The following RASEF variants were observed in gnomAD, a reference collection of about 807,000 sequenced individuals.
RASEF encodes RAS and EF-hand domain containing, also known as ras and EF-hand domain-containing protein.
In RASEF, 68 loss-of-function variants were observed where a neutral mutation model predicts 90.1. The observed-to-expected ratio is 0.75, with a 90% CI of 0.62 to 0.92. The LOEUF is 0.92. RASEF is among the 40% of genes least tolerant of loss of function. The pLI, the probability that RASEF is intolerant of heterozygous loss-of-function variation, is 0.00. For missense variants in RASEF, 949 were observed against 937.2 expected (o/e 1.01, Z -0.16); for synonymous variants, 331 against 345.2 (o/e 0.96, Z 0.46).
the RASEF span, among the ~76,000 whole-genome samples, chr9:83,076,390 A>T: frequency 6.6e-6 from 1 of 151,320 alleles, no homozygotes; most frequent in Non-Finnish European, 1.5e-5. Flanking sequence ...CAAGTCTTTA[A>T]TATCATAGAA....
the RASEF span, among the ~76,000 whole-genome samples, chr9:83,178,263 C>A: frequency 6.6e-6 from 1 of 152,092 alleles, no homozygotes; most frequent in Non-Finnish European, 1.5e-5. Context: ...CATATCTTAC[C>A]CCAAGGTACT....
intron 1 of RASEF, 32 bp from the exon 2 acceptor site, chr9:83,025,953 T>G (rs769634196): frequency 6.6e-7 from 1 of 1,510,982 alleles, no homozygotes; most frequent in Non-Finnish European, 8.9e-7. Flanking sequence ...ATTAAACCAA[T>G]TATAAAATTT....
At chr9:83,035,242 C>T (rs1263864693) in intron 1 of RASEF, among the ~76,000 whole-genome samples, 1 of 152,184 alleles carries the variant, frequency 6.6e-6, no homozygotes, top group Non-Finnish European at 1.5e-5. Context: ...TCTGCTGCAA[C>T]TATTTAGCCC....
At chr9:83,095,769 C>G in the RASEF span, among the ~76,000 whole-genome samples, 2 of 151,988 alleles carry the variant, frequency 1.3e-5, no homozygotes, top group African/African-American at 4.8e-5. Flanking sequence ...TTTGGCCTAT[C>G]TTATCATAGT....
the RASEF span, among the ~76,000 whole-genome samples, chr9:83,073,690 A>C: frequency 6.6e-6 from 1 of 152,236 alleles, no homozygotes; most frequent in Non-Finnish European, 1.5e-5. Flanking sequence ...ATACAATTAA[A>C]TACTAAAGAG....
chr9:83,124,262 G>A, the RASEF span, among the ~76,000 whole-genome samples: 8 of 152,186 alleles, frequency 5.3e-5, no homozygotes, highest in African/African-American at 1.9e-4. Context: ...GAACATGGGT[G>A]TATGAATATC....
At position 83,001,042 on chromosome 9, in the gene RASEF, G is replaced by A; in HGVS notation, c.1291C>T (p.Leu431=). The A allele has an allele frequency of 6.2e-6, 10 of 1,614,164 alleles. No homozygotes were observed. Among genetic ancestry groups the A allele is most frequent in the Non-Finnish European group, 8.5e-6 (10 of 1,180,030 alleles). The change falls in exon 10 of 17, where the codon CTG becomes TTG. Residue 431 remains leucine, a synonymous_variant. Transcript: ENST00000376447. ...CCGCTGTCGAAGCAGCTTTCAGGCA[G>A]GCTGTCAACTTCACAATTTGTCCTC... is the stretch of plus-strand genomic sequence containing the variant. ...LQRTNCEVDS[L]PESCFDSGLS...
the RASEF span, among the ~76,000 whole-genome samples, chr9:83,091,084 C>G: frequency 5.3e-5 from 8 of 152,246 alleles, no homozygotes; most frequent in East Asian, 1.9e-4. Context: ...CAACATTCAT[C>G]CAGCCAGGTG....
intron 1 of RASEF, among the ~76,000 whole-genome samples, chr9:83,032,739 T>C (rs17085980): frequency 0.023 from 3,455 of 152,274 alleles, 128 homozygotes; most frequent in African/African-American, 0.078. Context: ...ATAGCAAATA[T>C]TCCCATTGAA....
At chr9:83,017,546 T>A (rs1369723638) in intron 3 of RASEF, among the ~76,000 whole-genome samples, 1 of 151,800 alleles carries the variant, frequency 6.6e-6, no homozygotes, top group African/African-American at 2.4e-5. Flanking sequence ...AAGGAAATGA[T>A]CACTAGCCTA....
In RASEF at chr9:83,031,226, A is replaced by G. The variant is rs142784904; in HGVS notation, c.432-5305T>C. Among the ~76,000 whole-genome samples, 28 of 152,332 alleles carry G rather than the reference A, an allele frequency of 1.8e-4. No homozygotes were observed. In the East Asian group the frequency reaches 5.4e-3, roughly 29 times the overall value. Reference sequence around the variant, plus strand: ...TGGGTATTTTATCATCTTCTTCCCTATTAACATACTTCCTTACCTCCTTAC... The same window carrying G: ...TGGGTATTTTATCATCTTCTTCCCTGTTAACATACTTCCTTACCTCCTTAC... On this transcript the variant is annotated intron_variant, in intron 1 of 16. Coordinates refer to ENST00000376447, the MANE Select transcript of RASEF (RefSeq NM_152573.4).
chr9:83,128,354 C>T, the RASEF span, among the ~76,000 whole-genome samples: 2 of 152,004 alleles, frequency 1.3e-5, no homozygotes, highest in Non-Finnish European at 2.9e-5. Context: ...CATTTGGTGG[C>T]TTTCCTCTGA....
the RASEF span, among the ~76,000 whole-genome samples, chr9:83,102,891 G>A: frequency 6.6e-6 from 1 of 152,216 alleles, no homozygotes; most frequent in Non-Finnish European, 1.5e-5. Flanking sequence ...AAGCACATTT[G>A]CAGCCGAGTC....
chr9:83,001,369 T>TA (rs1034489263), intron 9 of RASEF, among the ~76,000 whole-genome samples: 1 of 152,154 alleles, frequency 6.6e-6, no homozygotes, highest in East Asian at 1.9e-4. Context: ...ACAAAGCCAT[T>TA]AAAAAAATAA....
upstream of RASEF, among the ~76,000 whole-genome samples, chr9:83,065,462 G>A (rs866004993): frequency 5.3e-5 from 8 of 152,174 alleles, no homozygotes; most frequent in Non-Finnish European, 8.8e-5. Context: ...TGTTCCAAGC[G>A]AGTAAGCCCC....
rs944332140 is a variant in RASEF, at chr9:83,012,303, T to C, written c.843+131A>G. On this transcript the variant is annotated intron_variant, in intron 5 of 16. Coordinates refer to ENST00000376447, the MANE Select transcript of RASEF (RefSeq NM_152573.4). Reference sequence around the variant, plus strand: ...CATAAATAGTATCTTTGATCAAAGTTATTTTAAGGACTTTTTCTAACTACA... The same window carrying C: ...CATAAATAGTATCTTTGATCAAAGTCATTTTAAGGACTTTTTCTAACTACA... 1.0e-5 allele frequency: 5 copies of C among 497,546 alleles called. No homozygotes were observed. The African/African-American group carries it at 1.0e-4, about 10-fold the overall frequency. 30.8% of individuals were successfully genotyped at this position (497,546 alleles called of 1,614,324 possible).
the RASEF span, among the ~76,000 whole-genome samples, chr9:83,125,025 G>A: frequency 1.3e-5 from 2 of 152,208 alleles, no homozygotes; most frequent in African/African-American, 2.4e-5. Context: ...GTCACACTAG[G>A]AGTGTGAAAT....
At chr9:83,048,118 G>A (rs1829965281) in intron 1 of RASEF, 1 of 985,332 alleles carries the variant, frequency 1.0e-6, no homozygotes, top group Non-Finnish European at 1.2e-6. Context: ...AGCATTACCT[G>A]CCTGGCTCTG....
intron 1 of RASEF, 95 bp downstream of exon 1, chr9:83,062,342 G>T (rs770252973): frequency 3.1e-4 from 331 of 1,053,894 alleles, no homozygotes; most frequent in East Asian, 1.4e-3. Flanking sequence ...GAAGACTAGG[G>T]GGGGGGGCCA....
Sources: allele counts gnomAD v4.1 joint callset (sites outside exome capture counted in the v4.1 genomes callset), GRCh38; gene constraint gnomAD v4.1.1; transcripts MANE v1.5; gene names NCBI Gene and HGNC (gene_info 2026-07-23, HGNC 2026-07-21).